The following AKAP13 variants were observed in gnomAD, a reference collection of about 807,000 sequenced individuals.
The protein encoded by AKAP13 is A-kinase anchor protein 13.
In AKAP13, 80 loss-of-function variants were observed where a neutral mutation model predicts 264.5. The observed-to-expected ratio is 0.30, with a 90% confidence interval of 0.25 to 0.36. The LOEUF (loss-of-function observed/expected upper bound fraction) is 0.36. Ranked by LOEUF, AKAP13 falls within the 10% of genes least tolerant of loss-of-function variation. The pLI is 1.00. For synonymous variants in AKAP13, 1,380 were observed against 1,250.2 expected (o/e 1.10, Z -2.19); for missense variants, 3,712 against 3,435.2 (o/e 1.08, Z -2.01).
intron 1 of AKAP13, among the ~76,000 whole-genome samples, chr15:85,465,561 C>A (rs985901716): frequency 6.1e-4 from 86 of 140,014 alleles, no homozygotes; most frequent in African/African-American, 2.3e-3. Flanking sequence ...TCCATGTGTT[C>A]TCATTGTTCA....
chr15:85,731,064 G>C (rs2087978511), intron 30 of AKAP13, among the ~76,000 whole-genome samples: 1 of 141,630 alleles, frequency 7.1e-6, no homozygotes, highest in Non-Finnish European at 1.5e-5. Context: ...GAGTGCAGTG[G>C]TGCAACCTCG....
intron 20 of AKAP13, among the ~76,000 whole-genome samples, chr15:85,716,143 C>T (rs916798422): frequency 2.6e-5 from 4 of 151,918 alleles, no homozygotes; most frequent in African/African-American, 9.7e-5. Flanking sequence ...AGGCTGGTTG[C>T]TGTAGGCTTT....
intron 14 of AKAP13, among the ~76,000 whole-genome samples, chr15:85,681,498 T>C (rs934812758): frequency 6.6e-6 from 1 of 152,092 alleles, no homozygotes; most frequent in African/African-American, 2.4e-5. Flanking sequence ...GGTCCAGTGG[T>C]TGTGGAAGGA....
intron 2 of AKAP13, chr15:85,520,556 T>G: frequency 4.8e-6 from 2 of 418,188 alleles, no homozygotes; most frequent in Non-Finnish European, 4.7e-6. Flanking sequence ...TACCTTCTAG[T>G]AGTTGCAAAG....
chr15:85,506,152 C>T (rs1437868598), intron 2 of AKAP13, among the ~76,000 whole-genome samples: 3 of 152,012 alleles, frequency 2.0e-5, no homozygotes, highest in South Asian at 2.1e-4. Context: ...AAAAATTAGC[C>T]GGGCACCTGT....
chr15:85,696,036 T>A (rs1374237445), intron 17 of AKAP13, among the ~76,000 whole-genome samples: 1 of 152,220 alleles, frequency 6.6e-6, no homozygotes, highest in Non-Finnish European at 1.5e-5. Context: ...CATACTCACA[T>A]AGGATACATA....
intron 1 of AKAP13, among the ~76,000 whole-genome samples, chr15:85,452,029 C>T (rs963606439): frequency 1.3e-5 from 2 of 151,972 alleles, no homozygotes; most frequent in Non-Finnish European, 2.9e-5. Flanking sequence ...GTCCTCTTTA[C>T]ATAATTTCTC....
At chr15:85,733,562 GC>G (rs1172772043) in intron 30 of AKAP13, among the ~76,000 whole-genome samples, 1 of 152,064 alleles carries the variant, frequency 6.6e-6, no homozygotes, top group East Asian at 1.9e-4. Flanking sequence ...TGTTCCCTTT[GC>G]TTTGGTCTTC....
chr15:85,722,195 A>G (rs1319491932), intron 24 of AKAP13, 35 bp from the exon 25 acceptor site: 2 of 1,608,870 alleles, frequency 1.2e-6, no homozygotes, highest in Admixed American at 1.7e-5. Flanking sequence ...AGCCTTTTTC[A>G]TGTGATTCCT....
At chr15:85,440,200 A>G (rs2073574097) in intron 1 of AKAP13, among the ~76,000 whole-genome samples, 1 of 152,160 alleles carries the variant, frequency 6.6e-6, no homozygotes. Flanking sequence ...CTAAGCACAC[A>G]CAATGGTCAT....
At chr15:85,564,276 ATGAACTCCTATAT>A (rs1567127761) in intron 5 of AKAP13, among the ~76,000 whole-genome samples, 1 of 152,218 alleles carries the variant, frequency 6.6e-6, no homozygotes, top group African/African-American at 2.4e-5. Context: ...GAAACGTGCA[ATGAACTCCTATAT>A]ATCCTTCATC....
At chr15:85,409,888 C>A (rs186759717) in intron 1 of AKAP13, among the ~76,000 whole-genome samples, 4 of 151,588 alleles carry the variant, frequency 2.6e-5, no homozygotes, top group African/African-American at 9.8e-5. Flanking sequence ...GCCTCGGCCT[C>A]CCAAAGTGCT....
At chr15:85,447,238 G>C (rs1425639977) in intron 1 of AKAP13, among the ~76,000 whole-genome samples, 1 of 152,076 alleles carries the variant, frequency 6.6e-6, no homozygotes, top group Non-Finnish European at 1.5e-5. Context: ...GTGCATTCCA[G>C]CCTGGTGACA....
At chr15:85,445,240 C>T (rs1170653517) in intron 1 of AKAP13, among the ~76,000 whole-genome samples, 1 of 152,130 alleles carries the variant, frequency 6.6e-6, no homozygotes, top group African/African-American at 2.4e-5. Flanking sequence ...TGTTTTGAGG[C>T]CCCTACAATA....
At chr15:85,488,319 GA>G (rs1464430110) in intron 2 of AKAP13, among the ~76,000 whole-genome samples, 3 of 152,180 alleles carry the variant, frequency 2.0e-5, no homozygotes, top group Non-Finnish European at 2.9e-5. Flanking sequence ...TATGTTGTTG[GA>G]TTTGTTTTGA....
intron 8 of AKAP13, among the ~76,000 whole-genome samples, chr15:85,595,649 T>C (rs879735368): frequency 7.9e-5 from 12 of 152,206 alleles, no homozygotes; most frequent in Non-Finnish European, 1.2e-4. Context: ...GTGGTATCAA[T>C]AGTCTATTGG....
At chr15:85,694,063 G>A (rs2085438128) in intron 17 of AKAP13, among the ~76,000 whole-genome samples, 1 of 152,232 alleles carries the variant, frequency 6.6e-6, no homozygotes, top group South Asian at 2.1e-4. Context: ...CGTTTTAAAA[G>A]TCTGTGTCAG....
chr15:85,648,344 A>G (rs1204551695), intron 10 of AKAP13, among the ~76,000 whole-genome samples: 2 of 152,254 alleles, frequency 1.3e-5, no homozygotes, highest in Non-Finnish European at 2.9e-5. Flanking sequence ...TCCTAGGTGC[A>G]TGACAGCTTG....
intron 12 of AKAP13, among the ~76,000 whole-genome samples, chr15:85,662,806 T>G (rs192158386): frequency 4.0e-4 from 61 of 152,314 alleles, no homozygotes; most frequent in African/African-American, 1.4e-3. Context: ...TGCACTGATT[T>G]CTATTATGCT....
Sources: gnomAD v4.1 joint callset for allele counts (sites outside exome capture counted in the v4.1 genomes callset) on GRCh38, gnomAD v4.1.1 for gene constraint, MANE v1.5 for transcripts, NCBI Gene and HGNC (gene_info 2026-07-23, HGNC 2026-07-21) for gene names.